Variants in TTC23 observed in about 807,000 individuals in gnomAD.
TTC23 encodes the protein tetratricopeptide repeat domain 23, also known as tetratricopeptide repeat protein 23.
TTC23 carries 58 observed loss-of-function variants against 55.1 expected under a neutral mutation model. The ratio of observed to expected loss-of-function variants is 1.05; its 90% CI spans 0.85 to 1.31. The LOEUF (loss-of-function observed/expected upper bound fraction) is 1.31. Among genes scored for constraint, TTC23 ranks in the 50% most tolerant of loss-of-function variants. TTC23 has a pLI of 0.00. For missense variants in TTC23, 516 were observed against 534.4 expected (o/e 0.97, Z 0.34); for synonymous variants, 203 against 199.9 (o/e 1.02, Z -0.13).
At chr15:99,249,609 A>G (rs745527906), upstream of TTC23, 3 of 152,214 alleles carry the variant, frequency 2.0e-5, no homozygotes, top group Non-Finnish European at 4.4e-5. Context: ...AGAATGAATG[A>G]TAGAGCACTC....
At chr15:99,237,117 G>A (rs1351439722) in intron 3 of TTC23, among the ~76,000 whole-genome samples, 1 of 151,970 alleles carries the variant, frequency 6.6e-6, no homozygotes, top group Non-Finnish European at 1.5e-5. Context: ...GAGTAGCTGG[G>A]ATTACAGGCG....
intron 10 of TTC23, among the ~76,000 whole-genome samples, chr15:99,170,503 G>C (rs979667173): frequency 5.9e-5 from 9 of 152,144 alleles, no homozygotes; most frequent in African/African-American, 2.2e-4. Flanking sequence ...CTTGGTGCTG[G>C]GTGGAATGTG....
intron 8 of TTC23, among the ~76,000 whole-genome samples, chr15:99,212,003 T>C (rs1270853688): frequency 1.3e-5 from 2 of 152,202 alleles, no homozygotes; most frequent in African/African-American, 4.8e-5. Context: ...AGAGCCTACA[T>C]TGTTAATGAC....
chr15:99,161,907 C>T, intron 10 of TTC23, 40 bp from the exon 11 acceptor site: 2 of 1,566,052 alleles, frequency 1.3e-6, no homozygotes, highest in Non-Finnish European at 1.7e-6. Context: ...AAACTGCTCA[C>T]AGATTTGAAA....
intron 9 of TTC23, 152 bp downstream of exon 9, chr15:99,199,767 A>G: frequency 1.5e-6 from 1 of 673,760 alleles, no homozygotes; most frequent in Middle Eastern, 4.0e-4. Context: ...ACCTGATAAG[A>G]ACACCTTTGT....
intron 8 of TTC23, among the ~76,000 whole-genome samples, chr15:99,218,080 G>A (rs2077612882): frequency 1.3e-5 from 2 of 152,228 alleles, no homozygotes; most frequent in Admixed American, 1.3e-4. Context: ...AAAGATAAAA[G>A]TACTAACTAT....
At chr15:99,200,808 G>A (rs1354425229) in intron 8 of TTC23, among the ~76,000 whole-genome samples, 4 of 152,154 alleles carry the variant, frequency 2.6e-5, no homozygotes, top group African/African-American at 7.2e-5. Flanking sequence ...TGGTGGAAAA[G>A]TCCAAAGCAC....
At chr15:99,147,061 C>CA (rs1567322214) in intron 12 of TTC23, among the ~76,000 whole-genome samples, 1 of 150,896 alleles carries the variant, frequency 6.6e-6, no homozygotes, top group Non-Finnish European at 1.5e-5. Context: ...ATTACAGGCA[C>CA]ACGCCACCAC....
At chr15:99,152,402 T>G (rs1373844360) in intron 12 of TTC23, among the ~76,000 whole-genome samples, 1 of 152,190 alleles carries the variant, frequency 6.6e-6, no homozygotes. Context: ...AGATGGAGTC[T>G]TTCTTGCTCT....
At chr15:99,180,791 AT>A in intron 9 of TTC23, among the ~76,000 whole-genome samples, 1 of 152,334 alleles carries the variant, frequency 6.6e-6, no homozygotes, top group Middle Eastern at 3.4e-3. Context: ...CAAAGTAGAG[AT>A]TAAGTACACA....
At chr15:99,169,473 C>A (rs2072613478) in intron 10 of TTC23, among the ~76,000 whole-genome samples, 1 of 152,140 alleles carries the variant, frequency 6.6e-6, no homozygotes, top group Admixed American at 6.5e-5. Flanking sequence ...TCCCAGGTGT[C>A]CATGTCACCT....
chr15:99,219,469 G>A (rs1219029701), intron 6 of TTC23, among the ~76,000 whole-genome samples: 2 of 152,060 alleles, frequency 1.3e-5, no homozygotes, highest in East Asian at 3.8e-4. Flanking sequence ...TGAATCTTCA[G>A]CTCACCCACC....
chr15:99,226,000 T>A (rs1161561349), intron 5 of TTC23, among the ~76,000 whole-genome samples: 1 of 152,160 alleles, frequency 6.6e-6, no homozygotes, highest in Non-Finnish European at 1.5e-5. Flanking sequence ...CTGAATAGAA[T>A]CATGAGGAAG....
In TTC23 at chr15:99,219,032, T is replaced by A. The variant is rs926662509; in HGVS notation, c.321A>T (p.Ala107=). 3 of 1,614,154 alleles carry A rather than the reference T, an allele frequency of 1.9e-6. No homozygotes were observed. The highest frequency in any genetic ancestry group is 1.7e-5 in the Admixed American group (1 of 60,030). Reference sequence around the variant, plus strand: ...GTCTGGCTTTTTCTGCATGTTGTTTTGCTTGCAGTGACAGTCCTGTGGACA... The same window carrying A: ...GTCTGGCTTTTTCTGCATGTTGTTTAGCTTGCAGTGACAGTCCTGTGGACA... ...YLQLKGLSLQ[A]KQHAEKARQI... Residue 107 remains alanine, a synonymous_variant, in exon 7 of 14, where the codon GCA becomes GCT. Coordinates refer to ENST00000394132, the MANE Select transcript of TTC23 (RefSeq NM_001288615.3).
At chr15:99,230,626 T>C (rs2078858816) in intron 4 of TTC23, among the ~76,000 whole-genome samples, 1 of 152,084 alleles carries the variant, frequency 6.6e-6, no homozygotes, top group African/African-American at 2.4e-5. Context: ...AAAGACACAT[T>C]ACGTATAAAA....
chr15:99,142,295 C>T (rs1445310038), intron 12 of TTC23, among the ~76,000 whole-genome samples: 1 of 152,154 alleles, frequency 6.6e-6, no homozygotes, highest in Non-Finnish European at 1.5e-5. Context: ...GATGCTTCCC[C>T]CACTGCCACC....
intron 8 of TTC23, among the ~76,000 whole-genome samples, chr15:99,207,609 T>C (rs1355304372): frequency 6.6e-6 from 1 of 151,968 alleles, no homozygotes; most frequent in Non-Finnish European, 1.5e-5. Flanking sequence ...ATACAAAAAT[T>C]AGCTGGGCCT....
At chr15:99,194,305 G>A (rs976230404) in intron 9 of TTC23, among the ~76,000 whole-genome samples, 4 of 152,052 alleles carry the variant, frequency 2.6e-5, no homozygotes, top group African/African-American at 9.7e-5. Context: ...ATGAAATATG[G>A]AAGGAAAAGA....
intron 8 of TTC23, among the ~76,000 whole-genome samples, chr15:99,203,530 A>G (rs1424557154): frequency 6.6e-6 from 1 of 152,034 alleles, no homozygotes; most frequent in Non-Finnish European, 1.5e-5. Flanking sequence ...ATTGTTAACT[A>G]TAGTCAACCT....
Sources: allele counts gnomAD v4.1 joint callset (sites outside exome capture counted in the v4.1 genomes callset), GRCh38; gene constraint gnomAD v4.1.1; transcripts MANE v1.5; gene names NCBI Gene and HGNC (gene_info 2026-07-23, HGNC 2026-07-21).